Variants in CPED1 observed in about 807,000 individuals in gnomAD.
The protein encoded by CPED1 is cadherin like and PC-esterase domain containing 1.
In CPED1, 114 loss-of-function variants were observed where a neutral mutation model predicts 128.2. That is an observed-to-expected ratio of 0.89 (90% CI 0.76 to 1.04). CPED1 has a LOEUF of 1.04. CPED1 is among the 50% of genes least tolerant of loss of function. The probability of loss-of-function intolerance (pLI) is 0.00; values close to 1 mark genes in which losing one functional copy is unlikely to be tolerated. For missense variants in CPED1, 1,211 were observed against 1,207.1 expected, an observed-to-expected ratio of 1.00 and a Z score of -0.05; for synonymous variants, 462 against 426.7, an observed-to-expected ratio of 1.08 and a Z score of -1.02.
chr7:121,032,116 C>G (rs1411437188), intron 3 of CPED1, among the ~76,000 whole-genome samples: 1 of 152,058 alleles, frequency 6.6e-6, no homozygotes, highest in African/African-American at 2.4e-5. Context: ...TACTTTTAAG[C>G]CAACAATCTT....
chr7:121,123,719 A>G (rs1795439649), intron 7 of CPED1, among the ~76,000 whole-genome samples: 1 of 152,294 alleles, frequency 6.6e-6, no homozygotes, highest in African/African-American at 2.4e-5. Flanking sequence ...CACATGAAAT[A>G]ATTAAGAATT....
chr7:121,103,854 A>T (rs1395408638), intron 7 of CPED1, among the ~76,000 whole-genome samples: 1 of 152,170 alleles, frequency 6.6e-6, no homozygotes, highest in Non-Finnish European at 1.5e-5. Context: ...AATAACAGAT[A>T]TAACTATGAG....
Position 121,048,925 on chromosome 7 carries a change from T to C in CPED1, c.540+1932T>C, listed in dbSNP as rs117250777. Among the ~76,000 whole-genome samples, 1,424 of 152,344 alleles carry C rather than the reference T, an allele frequency of 9.3e-3. 14 individuals are homozygous for C. The highest frequency in any genetic ancestry group is 0.015 in the Non-Finnish European group (1,007 of 68,034). Reference sequence around the variant, plus strand: ...CAGATAATCATCATCTCTTACCTGGTTTATTGCTAAATCTTGCTCAATGGT... The same window carrying C: ...CAGATAATCATCATCTCTTACCTGGCTTATTGCTAAATCTTGCTCAATGGT... On this transcript the variant is annotated intron_variant, in intron 4 of 22. Transcript: ENST00000310396.
At chr7:121,285,680 A>G (rs1377489260) in intron 22 of CPED1, among the ~76,000 whole-genome samples, 1 of 152,182 alleles carries the variant, frequency 6.6e-6, no homozygotes, top group Non-Finnish European at 1.5e-5. Flanking sequence ...TCTCCCTCTG[A>G]GACCACCTCA....
At chr7:121,055,401 C>G (rs1793468408) in intron 4 of CPED1, among the ~76,000 whole-genome samples, 1 of 151,814 alleles carries the variant, frequency 6.6e-6, no homozygotes, top group African/African-American at 2.4e-5. Flanking sequence ...GGTTACTTTA[C>G]AGTAAATTAA....
chr7:121,011,546 C>G (rs1211499451), intron 2 of CPED1, among the ~76,000 whole-genome samples: 1 of 152,066 alleles, frequency 6.6e-6, no homozygotes. Flanking sequence ...TTCACTCATT[C>G]AAAGAATATT....
intron 18 of CPED1, among the ~76,000 whole-genome samples, chr7:121,250,503 AAAC>A (rs1798645023): frequency 6.6e-6 from 1 of 152,148 alleles, no homozygotes; most frequent in Non-Finnish European, 1.5e-5. Flanking sequence ...GAGACACAAA[AAAC>A]CCTTCAAAAA....
chr7:121,163,042 A>G (rs1470315053), intron 16 of CPED1, among the ~76,000 whole-genome samples: 1 of 152,246 alleles, frequency 6.6e-6, no homozygotes, highest in Non-Finnish European at 1.5e-5. Context: ...GCTGGGAAAC[A>G]AAGAACAAAG....
chr7:121,140,429 G>T (rs884373), intron 14 of CPED1, among the ~76,000 whole-genome samples: 51,029 of 151,672 alleles, frequency 0.34, 8,963 homozygotes, highest in Middle Eastern at 0.49. Flanking sequence ...CATTCCTTGC[G>T]GGTCCTCTTC....
intron 16 of CPED1, among the ~76,000 whole-genome samples, chr7:121,152,358 G>A (rs1410297525): frequency 1.3e-5 from 2 of 152,022 alleles, no homozygotes; most frequent in African/African-American, 2.4e-5. Flanking sequence ...TTAAATTCTT[G>A]ATAAAGTTAA....
intron 16 of CPED1, among the ~76,000 whole-genome samples, chr7:121,221,573 C>T (rs1386610297): frequency 6.6e-6 from 1 of 152,230 alleles, no homozygotes; most frequent in Non-Finnish European, 1.5e-5. Flanking sequence ...AATTTACACT[C>T]CCACCAACAG....
At chr7:121,048,278 G>A (rs1166365645) in intron 4 of CPED1, among the ~76,000 whole-genome samples, 1 of 152,124 alleles carries the variant, frequency 6.6e-6, no homozygotes, top group African/African-American at 2.4e-5. Context: ...ACTCAACCTG[G>A]CGAAAACTGA....
intron 16 of CPED1, among the ~76,000 whole-genome samples, chr7:121,212,992 T>C (rs1797680834): frequency 6.6e-6 from 1 of 151,852 alleles, no homozygotes; most frequent in Admixed American, 6.6e-5. Flanking sequence ...AGGGGATGCA[T>C]TTGGCCTGAT....
chr7:120,994,055 G>A (rs964646034), intron 2 of CPED1: 1 of 176,480 alleles, frequency 5.7e-6, no homozygotes, highest in South Asian at 8.3e-5. Context: ...TGAAAACGCT[G>A]TCCTTAGTTT....
At chr7:121,088,794 T>TAAAAAAAAAAAAAAAAAAAAAA (rs1794508617) in intron 5 of CPED1, among the ~76,000 whole-genome samples, 1 of 54,760 alleles carries the variant, frequency 1.8e-5, no homozygotes, top group African/African-American at 6.0e-5. Context: ...AAAAAAAAAT[T>TAAAAAAAAAAAAAAAAAAAAAA]GAAAGTGTAA....
intron 3 of CPED1, among the ~76,000 whole-genome samples, chr7:121,042,374 A>C (rs1793081705): frequency 6.6e-6 from 1 of 152,106 alleles, no homozygotes; most frequent in East Asian, 1.9e-4. Context: ...TCCAAAGACA[A>C]ACAGATGTAC....
chr7:121,119,329 A>G (rs2116296226), intron 7 of CPED1, among the ~76,000 whole-genome samples: 1 of 150,706 alleles, frequency 6.6e-6, no homozygotes, highest in South Asian at 2.1e-4. Flanking sequence ...TCCCGGGTTC[A>G]AGTGATTCTC....
At chr7:121,261,626 C>A in intron 18 of CPED1, 2 of 1,609,442 alleles carry the variant, frequency 1.2e-6, no homozygotes, top group East Asian at 4.5e-5. Context: ...TTTTTCCTTC[C>A]TTCAGTTGGG....
chr7:121,094,933 A>G (rs2116202947), intron 5 of CPED1, among the ~76,000 whole-genome samples: 1 of 152,346 alleles, frequency 6.6e-6, no homozygotes, highest in African/African-American at 2.4e-5. Flanking sequence ...GTAGCCAATA[A>G]ATAAAAGTAC....
Sources: gnomAD v4.1 joint callset for allele counts (sites outside exome capture counted in the v4.1 genomes callset) on GRCh38, gnomAD v4.1.1 for gene constraint, MANE v1.5 for transcripts, NCBI Gene and HGNC (gene_info 2026-07-23, HGNC 2026-07-21) for gene names.